The following MSRB3 variants were observed in gnomAD, a reference collection of about 807,000 sequenced individuals.
The protein encoded by MSRB3 is methionine-R-sulfoxide reductase B3.
Under a neutral mutation model 21.0 loss-of-function variants are expected in MSRB3, and 13 were observed. That is an observed-to-expected ratio of 0.62 (90% confidence interval 0.40 to 0.98). The LOEUF (loss-of-function observed/expected upper bound fraction) is 0.98. MSRB3 is among the 50% of genes least tolerant of loss of function. The pLI, the probability that MSRB3 is intolerant of heterozygous loss-of-function variation, is 0.00. For missense variants in MSRB3, 199 were observed against 230.3 expected (o/e 0.86, Z 0.88); for synonymous variants, 87 against 88.6 (o/e 0.98, Z 0.10).
chr12:65,410,008 A>G (rs536650920), intron 5 of MSRB3, among the ~76,000 whole-genome samples: 1 of 151,914 alleles, frequency 6.6e-6, no homozygotes, highest in Non-Finnish European at 1.5e-5. Flanking sequence ...TCTTTTTTCA[A>G]TATTGAATAT....
At chr12:65,349,073 C>A (rs1392432550) in intron 4 of MSRB3, among the ~76,000 whole-genome samples, 1 of 151,908 alleles carries the variant, frequency 6.6e-6, no homozygotes, top group East Asian at 1.9e-4. Context: ...CCCACCCCAC[C>A]ACAGTCCCCA....
intron 2 of MSRB3, among the ~76,000 whole-genome samples, chr12:65,315,806 A>T (rs1374875605): frequency 6.6e-6 from 1 of 151,876 alleles, no homozygotes; most frequent in Non-Finnish European, 1.5e-5. Flanking sequence ...TCAGTACTAG[A>T]TGTATTTATT....
intron 5 of MSRB3, among the ~76,000 whole-genome samples, chr12:65,445,632 C>G (rs1882579457): frequency 6.8e-6 from 1 of 147,808 alleles, no homozygotes; most frequent in African/African-American, 2.5e-5. Context: ...CCCTACTTTT[C>G]AAGACACATA....
chr12:65,309,679 A>C (rs757910370), intron 2 of MSRB3, among the ~76,000 whole-genome samples: 24 of 152,158 alleles, frequency 1.6e-4, no homozygotes, highest in Non-Finnish European at 2.9e-4. Context: ...CTGAAGTTTA[A>C]GGAGGGCATT....
intron 4 of MSRB3, among the ~76,000 whole-genome samples, chr12:65,330,467 C>T (rs549250802): frequency 3.4e-4 from 52 of 152,150 alleles, no homozygotes; most frequent in African/African-American, 1.2e-3. Context: ...GGGAAAAATT[C>T]CTTGCTGTAT....
chr12:65,378,278 G>T (rs1300687521), intron 5 of MSRB3, among the ~76,000 whole-genome samples: 2 of 152,202 alleles, frequency 1.3e-5, no homozygotes, highest in African/African-American at 4.8e-5. Flanking sequence ...TACAAAAATA[G>T]AATACTATGT....
chr12:65,371,328 C>CAAAAAAA (rs34453745), intron 5 of MSRB3, among the ~76,000 whole-genome samples: 2 of 84,840 alleles, frequency 2.4e-5, no homozygotes, highest in Non-Finnish European at 2.2e-5. Context: ...GACTCCATCT[C>CAAAAAAA]AAAAAAAAAA....
rs1426047908 is a variant in MSRB3, at chr12:65,382,256, GTAAAGAT to G, written c.292+13232_292+13238del. Among the ~76,000 whole-genome samples the G allele has an allele frequency of 7.2e-5, 11 of 152,074 alleles. No individual in the cohort carries two copies. The East Asian group carries it at 2.1e-3, about 29-fold the overall frequency. On this transcript the variant is annotated intron_variant, in intron 5 of 6. Transcript: ENST00000308259. ...GAACATAGGAACACAAAACAACAAT[GTAAAGAT>G]TCAAGTTTTATGGCCTATCAGTGGT...
intron 1 of MSRB3, chr12:65,281,951 C>T (rs1872048250): frequency 6.6e-6 from 1 of 152,256 alleles, no homozygotes; most frequent in Admixed American, 6.5e-5. Context: ...TTTCTTCTTG[C>T]TGTATCTCAA....
chr12:65,360,473 T>C (rs1305646361), intron 4 of MSRB3, among the ~76,000 whole-genome samples: 4 of 152,082 alleles, frequency 2.6e-5, no homozygotes, highest in South Asian at 2.1e-4. Flanking sequence ...TAGGGAAGAA[T>C]TGTAGAAGCT....
At chr12:65,361,505 A>T (rs1027586439) in intron 4 of MSRB3, among the ~76,000 whole-genome samples, 1 of 152,154 alleles carries the variant, frequency 6.6e-6, no homozygotes, top group African/African-American at 2.4e-5. Context: ...AATTTGTGGA[A>T]AAATGAATGT....
intron 5 of MSRB3, among the ~76,000 whole-genome samples, chr12:65,443,254 G>A (rs566708314): frequency 8.5e-5 from 13 of 152,170 alleles, no homozygotes; most frequent in South Asian, 4.1e-4. Context: ...AGTGCCCAAG[G>A]ACACCTCAGT....
intron 5 of MSRB3, among the ~76,000 whole-genome samples, chr12:65,376,266 C>T (rs183812018): frequency 1.3e-5 from 2 of 152,030 alleles, no homozygotes; most frequent in East Asian, 1.9e-4. Context: ...ACTACAGGCG[C>T]CCACCACTGC....
chr12:65,293,595 G>A (rs1376511377), intron 1 of MSRB3, among the ~76,000 whole-genome samples: 1 of 152,114 alleles, frequency 6.6e-6, no homozygotes, highest in African/African-American at 2.4e-5. Context: ...TAGTTTAAAT[G>A]TTACTTCCTC....
intron 2 of MSRB3, among the ~76,000 whole-genome samples, chr12:65,323,587 G>A (rs1277637343): frequency 6.6e-6 from 1 of 152,150 alleles, no homozygotes; most frequent in Non-Finnish European, 1.5e-5. Context: ...TCATTGAACA[G>A]ATGTCATATA....
intron 1 of MSRB3, chr12:65,286,610 T>C (rs938694989): frequency 1.3e-5 from 2 of 151,534 alleles, no homozygotes; most frequent in Non-Finnish European, 2.9e-5. Flanking sequence ...ATCCTTATGG[T>C]TTCTTGGGTC....
intron 4 of MSRB3, among the ~76,000 whole-genome samples, chr12:65,341,556 A>C (rs925851751): frequency 6.8e-6 from 1 of 146,740 alleles, no homozygotes. Context: ...AAAAAAAAAA[A>C]CTAAAAGAGT....
At chr12:65,288,044 C>T (rs1872475790) in intron 1 of MSRB3, among the ~76,000 whole-genome samples, 2 of 151,992 alleles carry the variant, frequency 1.3e-5, no homozygotes, top group Non-Finnish European at 2.9e-5. Context: ...GTGGCTCTTG[C>T]CTGTAATCTC....
At chr12:65,383,090 A>G (rs1042575818) in intron 5 of MSRB3, among the ~76,000 whole-genome samples, 1 of 152,170 alleles carries the variant, frequency 6.6e-6, no homozygotes, top group African/African-American at 2.4e-5. Context: ...GTACATTATG[A>G]TTTTTTATTA....
Sources: gnomAD v4.1 joint callset for allele counts (sites outside exome capture counted in the v4.1 genomes callset) on GRCh38, gnomAD v4.1.1 for gene constraint, MANE v1.5 for transcripts, NCBI Gene and HGNC (gene_info 2026-07-23, HGNC 2026-07-21) for gene names.